Variants in SKAP2 observed in about 807,000 individuals in gnomAD.
SKAP2 encodes src kinase-associated phosphoprotein 2.
A neutral mutation model predicts 54.9 loss-of-function variants in SKAP2; 28 were observed. That is an observed-to-expected ratio of 0.51 (90% confidence interval 0.38 to 0.70). SKAP2 has a LOEUF of 0.70. Ranked by LOEUF, SKAP2 falls within the 30% of genes least tolerant of loss-of-function variation. The probability of loss-of-function intolerance (pLI) is 0.00; values close to 1 mark genes in which losing one functional copy is unlikely to be tolerated. For synonymous variants in SKAP2, 137 were observed against 134.3 expected, an observed-to-expected ratio of 1.02 and a Z score of -0.14; for missense variants, 356 against 424.1, an observed-to-expected ratio of 0.84 and a Z score of 1.41.
intron 3 of SKAP2, among the ~76,000 whole-genome samples, chr7:26,847,362 C>T (rs1304791682): frequency 2.0e-5 from 3 of 150,756 alleles, no homozygotes; most frequent in Non-Finnish European, 4.4e-5. Context: ...ATTTTTTTTT[C>T]GACCCAATAA....
chr7:26,749,953 G>A (rs1435520817), intron 4 of SKAP2, among the ~76,000 whole-genome samples: 1 of 151,660 alleles, frequency 6.6e-6, no homozygotes, highest in African/African-American at 2.4e-5. Context: ...CCATGAGTTA[G>A]GTAAAGATGA....
chr7:26,855,016 A>G, intron 1 of SKAP2, 126 bp from the exon 2 acceptor site: 3 of 631,628 alleles, frequency 4.7e-6, no homozygotes, highest in Non-Finnish European at 7.7e-6. Context: ...ATAGTTATTT[A>G]TCATTCCAAA....
chr7:26,856,213 T>G (rs1443799677), intron 1 of SKAP2, among the ~76,000 whole-genome samples: 1 of 152,152 alleles, frequency 6.6e-6, no homozygotes, highest in Non-Finnish European at 1.5e-5. Context: ...AGCTTATGGT[T>G]TGAAGTCTAT....
At chr7:26,705,936 C>A (rs1355506002) in intron 9 of SKAP2, among the ~76,000 whole-genome samples, 2 of 152,088 alleles carry the variant, frequency 1.3e-5, no homozygotes, top group African/African-American at 4.8e-5. Flanking sequence ...AGATTCAACA[C>A]AATTCAGTTA....
At chr7:26,676,939 G>A (rs1786362262) in intron 11 of SKAP2, among the ~76,000 whole-genome samples, 1 of 152,196 alleles carries the variant, frequency 6.6e-6, no homozygotes, top group Non-Finnish European at 1.5e-5. Flanking sequence ...AAAAGAATGT[G>A]CTGTGTTCAG....
intron 9 of SKAP2, among the ~76,000 whole-genome samples, chr7:26,715,938 A>G (rs897762836): frequency 1.3e-5 from 2 of 152,110 alleles, no homozygotes; most frequent in Non-Finnish European, 1.5e-5. Context: ...TTCCAAACAC[A>G]TGGGTTTGGG....
intron 4 of SKAP2, among the ~76,000 whole-genome samples, chr7:26,814,105 T>C (rs577372063): frequency 5.9e-5 from 9 of 151,726 alleles, no homozygotes; most frequent in African/African-American, 2.2e-4. Flanking sequence ...CATGATTTAC[T>C]AATTAAAAAT....
intron 10 of SKAP2, among the ~76,000 whole-genome samples, chr7:26,685,191 G>A (rs924132475): frequency 6.6e-6 from 1 of 152,098 alleles, no homozygotes; most frequent in Non-Finnish European, 1.5e-5. Context: ...ATGTTTTGAA[G>A]ATGTGTCTGC....
At chr7:26,778,994 G>A (rs928147210) in intron 4 of SKAP2, among the ~76,000 whole-genome samples, 11 of 151,994 alleles carry the variant, frequency 7.2e-5, no homozygotes, top group African/African-American at 2.2e-4. Flanking sequence ...AATTTCAAAG[G>A]ACTCAGTAAG....
chr7:26,683,463 T>C (rs1584328370), intron 11 of SKAP2, among the ~76,000 whole-genome samples: 1 of 151,958 alleles, frequency 6.6e-6, no homozygotes. Flanking sequence ...ATTATCACAG[T>C]TGGCTTTATT....
intron 4 of SKAP2, among the ~76,000 whole-genome samples, chr7:26,765,879 G>A (rs1408269199): frequency 1.3e-5 from 2 of 152,144 alleles, no homozygotes; most frequent in African/African-American, 2.4e-5. Flanking sequence ...TAGCCTTGTA[G>A]TATAGTTTGA....
chr7:26,754,807 T>C (rs1782754894), intron 4 of SKAP2, among the ~76,000 whole-genome samples: 1 of 152,174 alleles, frequency 6.6e-6, no homozygotes, highest in South Asian at 2.1e-4. Flanking sequence ...GCACTGGAAG[T>C]TACCTCAGAG....
rs769389664 is a variant in SKAP2, at chr7:26,864,394, G to C, written c.36C>G (p.Pro12=). The C allele has an allele frequency of 2.2e-5, 36 of 1,612,904 alleles. 1 individual carries two copies. Among genetic ancestry groups the C allele is most frequent in the Middle Eastern group, 1.6e-4 (1 of 6,074 alleles). Residue 12 remains proline (P), a synonymous_variant, in exon 1 of 13, where the codon CCC becomes CCG. Coordinates refer to ENST00000345317, the MANE Select transcript of SKAP2 (RefSeq NM_003930.5). Reference sequence around the variant, plus strand: ...ACAGGTTCCTAATTTCCTCAGGGAGGGGGTAGGGAGAGGAGGTGCTGCTGG... The same window carrying C: ...ACAGGTTCCTAATTTCCTCAGGGAGCGGGTAGGGAGAGGAGGTGCTGCTGG... ...PNPSSTSSPY[P]LPEEIRNLLA... is the part of the protein sequence containing the mutation.
chr7:26,770,578 G>C (rs1293273161), intron 4 of SKAP2, among the ~76,000 whole-genome samples: 3 of 152,118 alleles, frequency 2.0e-5, no homozygotes, highest in East Asian at 1.9e-4. Context: ...CCAGGGCCCT[G>C]GTGGCATAGG....
intron 4 of SKAP2, among the ~76,000 whole-genome samples, chr7:26,747,359 C>G (rs905520745): frequency 1.3e-5 from 2 of 152,192 alleles, no homozygotes; most frequent in East Asian, 3.9e-4. Context: ...GAGGGTTATG[C>G]TTTGGGGAAA....
intron 1 of SKAP2, chr7:26,857,773 A>G: frequency 1.0e-6 from 1 of 975,076 alleles, no homozygotes; most frequent in Non-Finnish European, 1.2e-6. Context: ...ATATTTCAAA[A>G]GCAAGCAATA....
intron 10 of SKAP2, among the ~76,000 whole-genome samples, chr7:26,686,780 G>A (rs1410316989): frequency 6.6e-6 from 1 of 152,128 alleles, no homozygotes; most frequent in African/African-American, 2.4e-5. Flanking sequence ...AGCAAAGAGA[G>A]GATGACATCA....
intron 9 of SKAP2, among the ~76,000 whole-genome samples, chr7:26,722,753 C>T (rs980571713): frequency 1.3e-5 from 2 of 151,966 alleles, no homozygotes; most frequent in African/African-American, 4.8e-5. Context: ...TCTTGAAACT[C>T]AAAACACTGC....
intron 4 of SKAP2, among the ~76,000 whole-genome samples, chr7:26,789,461 G>C (rs1783628088): frequency 2.6e-5 from 4 of 152,146 alleles, no homozygotes; most frequent in Admixed American, 2.0e-4. Flanking sequence ...AATGCATTAA[G>C]CATCACTCAC....
Sources: allele counts gnomAD v4.1 joint callset (sites outside exome capture counted in the v4.1 genomes callset), GRCh38; gene constraint gnomAD v4.1.1; transcripts MANE v1.5; gene names NCBI Gene and HGNC (gene_info 2026-07-23, HGNC 2026-07-21).